The following ITIH6 variants were observed in gnomAD, a reference collection of about 807,000 sequenced individuals.
ITIH6 encodes the protein inter-alpha-trypsin inhibitor heavy chain H6.
Under a neutral mutation model 58.2 loss-of-function variants are expected in ITIH6, and 60 were observed. The observed-to-expected ratio is 1.03, with a 90% confidence interval of 0.84 to 1.28. The LOEUF is 1.28. Among genes scored for constraint, ITIH6 ranks in the 50% most tolerant of loss-of-function variants. ITIH6 has a pLI of 0.00. For synonymous variants in ITIH6, 493 were observed against 417.4 expected, an observed-to-expected ratio of 1.18 and a Z score of -2.21; for missense variants, 1,290 against 1,021.1, an observed-to-expected ratio of 1.26 and a Z score of -3.59.
intron 6 of ITIH6, among the ~76,000 whole-genome samples, chrX:54,763,966 T>C: frequency 8.9e-6 from 1 of 112,558 alleles, no homozygotes; most frequent in African/African-American, 3.2e-5. Flanking sequence ...GAAAATTTCC[T>C]TGCTTTGAAG....
intron 6 of ITIH6, among the ~76,000 whole-genome samples, chrX:54,772,484 A>G (rs1361197852): frequency 8.9e-6 from 1 of 112,555 alleles, no homozygotes; most frequent in Non-Finnish European, 1.9e-5. Flanking sequence ...CTGCTCATGT[A>G]TCCACTGAAC....
chrX:54,782,696 T>TA (rs1041999518), intron 5 of ITIH6, among the ~76,000 whole-genome samples: 8 of 111,117 alleles, frequency 7.2e-5, no homozygotes, highest in East Asian at 2.8e-4. Context: ...AAAGCCATGA[T>TA]AAAAAAATCT....
rs1171822285 is a variant in ITIH6 at position 54,768,014 on chromosome X, G to A, written c.903+6067C>T. Reference sequence around the variant, plus strand: ...GGTGTTAAAATCTCCCATTATTAATGTGTGGGAGTCTAAGTCTCTTTGTAG... The same window carrying A: ...GGTGTTAAAATCTCCCATTATTAATATGTGGGAGTCTAAGTCTCTTTGTAG... On this transcript the variant is annotated intron_variant, in intron 6 of 12. Coordinates refer to ENST00000218436, the MANE Select transcript of ITIH6 (RefSeq NM_198510.3). 1.4e-4 allele frequency among the ~76,000 whole-genome samples: 14 copies of A among 101,291 alleles called. No homozygotes were observed. In the East Asian group the frequency reaches 1.8e-3, roughly 13 times the overall value. The allele number at this position is 101,291 out of a possible 115,157, so 88.0% of individuals were successfully genotyped here.
chrX:54,756,993 G>A lies in ITIH6; in HGVS notation c.3081C>T (p.Phe1027=), dbSNP rs765183477. 3 of 1,198,400 alleles carry A rather than the reference G, an allele frequency of 2.5e-6. No individual in the cohort carries two copies. In the Admixed American group the frequency reaches 6.6e-5, roughly 26 times the overall value. The stretch of plus-strand genomic sequence containing the variant: ...CTTCATCAGGAGTGAGGAAGGTATA[G>A]AAAGCTGGTGGGTTCAAGGACTCCA... The part of the protein sequence containing the change: ...KFVESLNPPA[F]YTFLTPDEDG... The change falls in exon 8 of 13, where the codon TTC becomes TTT. Residue 1027 remains phenylalanine (F), a synonymous_variant. Coordinates refer to ENST00000218436, the MANE Select transcript of ITIH6 (RefSeq NM_198510.3).
chrX:54,788,535 G>A lies in ITIH6; in HGVS notation c.731C>T (p.Ala244Val). 5.8e-6 allele frequency: 7 copies of A among 1,210,623 alleles called. No individual in the cohort carries two copies. The highest frequency in any genetic ancestry group is 7.8e-6 in the Non-Finnish European group (7 of 894,797). The part of the protein sequence containing the change: ...QSSISGSGIM[A>V]DFLVQYDVVM... ...CACATCGTACTGAACCAGGAAGTCA[G>A]CCATGATGCCTGACCCAGAGATGGA... Residue 244 changes from alanine to valine, a missense_variant, in exon 5 of 13, where the codon GCT becomes GTT. By Grantham distance (64) the Ala-to-Val change is moderately conservative. Coordinates refer to ENST00000218436, the MANE Select transcript of ITIH6 (RefSeq NM_198510.3).
At chrX:54,767,173 G>A (rs1285836738) in intron 6 of ITIH6, among the ~76,000 whole-genome samples, 6 of 106,824 alleles carry the variant, frequency 5.6e-5, no homozygotes, top group Non-Finnish European at 1.2e-4. Context: ...TAGTTTATTT[G>A]CGTAGAGGTG....
intron 11 of ITIH6, among the ~76,000 whole-genome samples, chrX:54,752,449 G>A (rs972280342): frequency 4.5e-5 from 5 of 112,017 alleles, no homozygotes; most frequent in East Asian, 2.8e-4. Context: ...TGGATAACTC[G>A]TTTTAAGAAG....
At chrX:54,780,667 AG>A (rs1470598165) in intron 5 of ITIH6, among the ~76,000 whole-genome samples, 2 of 111,751 alleles carry the variant, frequency 1.8e-5, no homozygotes, top group Non-Finnish European at 3.8e-5. Flanking sequence ...AATAAAGATT[AG>A]AGCACAAATA....
chrX:54,770,413 C>G, intron 6 of ITIH6, among the ~76,000 whole-genome samples: 1 of 112,920 alleles, frequency 8.9e-6, no homozygotes, highest in East Asian at 2.8e-4. Flanking sequence ...CCTTAAAATT[C>G]TTTACTCTTA....
At chrX:54,771,120 TA>T (rs1269093954) in intron 6 of ITIH6, among the ~76,000 whole-genome samples, 2 of 112,101 alleles carry the variant, frequency 1.8e-5, no homozygotes, top group African/African-American at 6.5e-5. Flanking sequence ...TCTGGCTTTT[TA>T]AAAGATTTTT....
At chrX:54,788,800 C>T (rs1360231816) in intron 4 of ITIH6, 151 bp from the exon 5 acceptor site, 5 of 464,994 alleles carry the variant, frequency 1.1e-5, no homozygotes, top group Non-Finnish European at 1.9e-5. Context: ...TACATCTTTC[C>T]ACCTGCCCCA....
chrX:54,754,153 T>C (rs969387589), intron 9 of ITIH6, among the ~76,000 whole-genome samples, 188 bp from the exon 10 acceptor site: 1 of 112,177 alleles, frequency 8.9e-6, no homozygotes, highest in Non-Finnish European at 1.9e-5. Context: ...ATGAGTGTCC[T>C]ACCTTCTCTT....
In ITIH6 at chrX:54,758,464, C is replaced by A; in HGVS notation, c.1610G>T (p.Gly537Val). 8.3e-7 allele frequency: 1 copy of A among 1,209,413 alleles called. No individual in the cohort carries two copies. The highest frequency in any genetic ancestry group is 1.1e-6 in the Non-Finnish European group (1 of 894,494). ...GGCCTTCTGGCTGTTGTTGGTGGCC[C>A]CTTCACTGTGGTGGGCCACAAGAAG... ...DQLLVAHHSE[G>V]ATNNSQKAFG... Residue 537 changes from glycine (G) to valine (V), a missense_variant, in exon 8 of 13, where the codon GGG (glycine) becomes GTG (valine). Transcript: ENST00000218436.
chrX:54,756,232 G>A (rs1473329333), intron 8 of ITIH6, among the ~76,000 whole-genome samples: 3 of 111,446 alleles, frequency 2.7e-5, no homozygotes, highest in Non-Finnish European at 5.7e-5. Context: ...GGTCACCTAG[G>A]AAATGTCACT....
chrX:54,767,505 C>G (rs1397237141), intron 6 of ITIH6, among the ~76,000 whole-genome samples: 1 of 99,501 alleles, frequency 1.0e-5, no homozygotes, highest in Non-Finnish European at 1.9e-5. Context: ...TTGGATCTTT[C>G]CTGCTTTCTC....
At chrX:54,752,645 T>A (rs774876897) in intron 11 of ITIH6, among the ~76,000 whole-genome samples, 62 of 112,241 alleles carry the variant, frequency 5.5e-4, no homozygotes, top group African/African-American at 1.8e-3. Flanking sequence ...AAATTAAAGT[T>A]GAGTAAACTT....
chrX:54,753,450 G>T (rs1212428909), intron 11 of ITIH6, among the ~76,000 whole-genome samples: 1 of 111,406 alleles, frequency 9.0e-6, no homozygotes, highest in Non-Finnish European at 1.9e-5. Flanking sequence ...ATGCCCTTTT[G>T]TGCGTGTATC....
intron 5 of ITIH6, among the ~76,000 whole-genome samples, chrX:54,780,075 G>T (rs1180078016): frequency 9.0e-6 from 1 of 110,986 alleles, no homozygotes; most frequent in Non-Finnish European, 1.9e-5. Context: ...CATGATAATC[G>T]CTAGAGTCCT....
chrX:54,794,621 C>G (rs1473071633), intron 2 of ITIH6, among the ~76,000 whole-genome samples: 1 of 111,231 alleles, frequency 9.0e-6, no homozygotes, highest in Non-Finnish European at 1.9e-5. Context: ...CTCCTCTAAC[C>G]CAATCCTTCT....
Sources: gnomAD v4.1 joint callset for allele counts (sites outside exome capture counted in the v4.1 genomes callset) on GRCh38, gnomAD v4.1.1 for gene constraint, MANE v1.5 for transcripts, NCBI Gene and HGNC (gene_info 2026-07-23, HGNC 2026-07-21) for gene names.